ZNF385B: variants seen among roughly 807,000 people sequenced by gnomAD.
ZNF385B encodes zinc finger protein 533.
ZNF385B carries 23 observed loss-of-function variants against 39.2 expected under a neutral mutation model. The observed-to-expected ratio is 0.59, with a 90% CI of 0.42 to 0.83. ZNF385B has a LOEUF of 0.83. ZNF385B is among the 40% of genes least tolerant of loss of function. The pLI is 0.00. For missense variants in ZNF385B, 552 were observed against 598.9 expected (o/e 0.92, Z 0.82); for synonymous variants, 205 against 222.6 (o/e 0.92, Z 0.70).
chr2:179,578,967 C>T (rs1686172619), intron 3 of ZNF385B, among the ~76,000 whole-genome samples: 1 of 152,010 alleles, frequency 6.6e-6, no homozygotes, highest in South Asian at 2.1e-4. Flanking sequence ...CTAATTATTT[C>T]CATATGAGAA....
intron 3 of ZNF385B, among the ~76,000 whole-genome samples, chr2:179,594,155 C>T (rs1687804026): frequency 1.3e-5 from 2 of 152,150 alleles, no homozygotes; most frequent in African/African-American, 4.8e-5. Context: ...CTTGTTTTTG[C>T]TTTCCTTTTA....
intron 3 of ZNF385B, among the ~76,000 whole-genome samples, chr2:179,565,952 T>A (rs532796299): frequency 2.0e-5 from 3 of 152,236 alleles, no homozygotes; most frequent in Non-Finnish European, 2.9e-5. Context: ...CTTGTGCATG[T>A]GTCTTCTTCC....
intron 1 of ZNF385B, among the ~76,000 whole-genome samples, chr2:179,844,846 C>A (rs1708718878): frequency 6.6e-6 from 1 of 152,282 alleles, no homozygotes; most frequent in South Asian, 2.1e-4. Flanking sequence ...CCTCCAAATA[C>A]AAAGAGCGTT....
chr2:179,861,257 CGGTAGCAGCGGCGGCGGTGGA>C lies in ZNF385B; in HGVS notation c.-332_-312del, dbSNP rs1386197248. ...GCTGCAGCCCAGGCGGTGGCGGTGGCGGTAGCAGCGGCGGCGGTGGAGGTGGCGCGGGCGACAGCTCGGCCC... is the reference window on the plus strand; with the variant it reads ...GCTGCAGCCCAGGCGGTGGCGGTGGCGGTGGCGCGGGCGACAGCTCGGCCC... On this transcript the variant is annotated 5_prime_UTR_variant, in exon 1 of 10. Coordinates refer to ENST00000410066, the MANE Select transcript of ZNF385B (RefSeq NM_152520.6). The C allele has an allele frequency of 1.3e-5, 2 of 159,714 alleles. No individual in the cohort carries two copies. Among genetic ancestry groups the C allele is most frequent in the African/African-American group, 4.8e-5 (2 of 41,488 alleles). The allele number at this position is 159,714 out of a possible 1,614,324, so 9.9% of individuals were successfully genotyped here.
chr2:179,473,560 C>T (rs1035596451), intron 6 of ZNF385B, among the ~76,000 whole-genome samples: 1 of 152,176 alleles, frequency 6.6e-6, no homozygotes, highest in Non-Finnish European at 1.5e-5. Flanking sequence ...TTCTGGGATA[C>T]ACGTGCAGAA....
intron 3 of ZNF385B, among the ~76,000 whole-genome samples, chr2:179,714,955 A>C (rs916151672): frequency 6.6e-6 from 1 of 151,206 alleles, no homozygotes; most frequent in African/African-American, 2.4e-5. Context: ...AAAAAAAAAA[A>C]AAAAAACAGT....
At chr2:179,592,493 G>GTGA (rs1385772114) in intron 3 of ZNF385B, among the ~76,000 whole-genome samples, 1 of 152,152 alleles carries the variant, frequency 6.6e-6, no homozygotes, top group East Asian at 1.9e-4. Context: ...GCATGACACT[G>GTGA]TGATTAACTC....
intron 5 of ZNF385B, among the ~76,000 whole-genome samples, chr2:179,495,840 C>T (rs936097736): frequency 2.0e-5 from 3 of 152,024 alleles, no homozygotes; most frequent in Admixed American, 2.0e-4. Flanking sequence ...ATCACAATAC[C>T]CAAGTCCTTT....
At chr2:179,530,003 T>C (rs892403901) in intron 4 of ZNF385B, among the ~76,000 whole-genome samples, 1 of 147,390 alleles carries the variant, frequency 6.8e-6, no homozygotes, top group Non-Finnish European at 1.5e-5. Context: ...AAAATAATTT[T>C]TCAGTAGATG....
intron 1 of ZNF385B, among the ~76,000 whole-genome samples, chr2:179,826,030 T>C (rs1707663824): frequency 6.6e-6 from 1 of 152,084 alleles, no homozygotes; most frequent in Non-Finnish European, 1.5e-5. Context: ...ACCTCTTTTG[T>C]CCTCCTTTTT....
At chr2:179,736,677 CTT>C (rs1701778506) in intron 3 of ZNF385B, among the ~76,000 whole-genome samples, 1 of 152,216 alleles carries the variant, frequency 6.6e-6, no homozygotes, top group African/African-American at 2.4e-5. Context: ...CACTTTAAAA[CTT>C]TATACCAGGG....
At chr2:179,585,757 C>CT (rs1171238380) in intron 3 of ZNF385B, 1 of 152,276 alleles carries the variant, frequency 6.6e-6, no homozygotes, top group East Asian at 1.9e-4. Flanking sequence ...ATAGGAATCA[C>CT]TTTCCTCACA....
At chr2:179,596,090 T>C (rs1404888101) in intron 3 of ZNF385B, among the ~76,000 whole-genome samples, 2 of 152,254 alleles carry the variant, frequency 1.3e-5, no homozygotes, top group Admixed American at 6.5e-5. Context: ...TTTCTATTGC[T>C]GCATAACAAA....
At chr2:179,675,007 A>G (rs917614814) in intron 3 of ZNF385B, among the ~76,000 whole-genome samples, 1 of 152,252 alleles carries the variant, frequency 6.6e-6, no homozygotes, top group Non-Finnish European at 1.5e-5. Context: ...CTTGAATACT[A>G]TGGGAGTTAG....
chr2:179,568,810 A>G (rs999000), intron 3 of ZNF385B, among the ~76,000 whole-genome samples: 104,240 of 152,096 alleles, frequency 0.69, 36,737 homozygotes, highest in East Asian at 0.98. Flanking sequence ...CTCAGATTTG[A>G]TATAAGAGGA....
At chr2:179,851,796 G>A (rs985982961) in intron 1 of ZNF385B, among the ~76,000 whole-genome samples, 1 of 152,164 alleles carries the variant, frequency 6.6e-6, no homozygotes, top group African/African-American at 2.4e-5. Context: ...GAAGGACTCA[G>A]AAGAATTGTT....
chr2:179,808,121 C>T (rs2106563139), intron 1 of ZNF385B, among the ~76,000 whole-genome samples: 1 of 152,028 alleles, frequency 6.6e-6, no homozygotes, highest in Admixed American at 6.5e-5. Flanking sequence ...CAAGCTCCGC[C>T]TCCCAGGTTC....
intron 3 of ZNF385B, among the ~76,000 whole-genome samples, chr2:179,622,500 CT>C (rs1222229450): frequency 3.9e-5 from 6 of 152,074 alleles, no homozygotes; most frequent in African/African-American, 9.7e-5. Flanking sequence ...AAAAATAAAC[CT>C]TATTTTCTAA....
intron 1 of ZNF385B, among the ~76,000 whole-genome samples, chr2:179,818,979 T>G (rs1210612527): frequency 6.6e-6 from 1 of 151,910 alleles, no homozygotes; most frequent in African/African-American, 2.4e-5. Flanking sequence ...TATTTTGGTG[T>G]TTTTTTGCCA....
Sources: allele counts gnomAD v4.1 joint callset (sites outside exome capture counted in the v4.1 genomes callset), GRCh38; gene constraint gnomAD v4.1.1; transcripts MANE v1.5; gene names NCBI Gene and HGNC (gene_info 2026-07-23, HGNC 2026-07-21).